Variants in CAMTA1 observed in about 807,000 individuals in gnomAD.
CAMTA1 encodes calmodulin binding transcription activator 1, also known as calmodulin-binding transcription activator 1.
In CAMTA1, 27 loss-of-function variants were observed where a neutral mutation model predicts 170.9. The ratio of observed to expected loss-of-function variants is 0.16; its 90% CI spans 0.12 to 0.22. The LOEUF is 0.22. Among genes scored for constraint, CAMTA1 ranks in the 10% least tolerant of loss-of-function variants. CAMTA1 has a pLI of 1.00. For synonymous variants in CAMTA1, 833 were observed against 891.5 expected, an observed-to-expected ratio of 0.93 and a Z score of 1.17; for missense variants, 1,619 against 2,217.2, an observed-to-expected ratio of 0.73 and a Z score of 5.42.
chr1:7,415,270 T>C (rs988092123), intron 5 of CAMTA1, among the ~76,000 whole-genome samples: 1 of 151,674 alleles, frequency 6.6e-6, no homozygotes, highest in East Asian at 1.9e-4. Flanking sequence ...AGACATCTAT[T>C]AGGTCTGCTT....
In CAMTA1 at chr1:7,194,607, A is replaced by G. The variant is rs118070792; in HGVS notation, c.303-54884A>G. Among the ~76,000 whole-genome samples the G allele has an allele frequency of 4.7e-3, 720 of 152,322 alleles. 17 individuals carry two copies. In the East Asian group the frequency reaches 0.056, roughly 12 times the overall value. On this transcript the variant is annotated intron_variant, in intron 4 of 22. Coordinates refer to ENST00000303635, the MANE Select transcript of CAMTA1 (RefSeq NM_015215.4). ...CATTTGTTATTGTGGTGAGCGTTAC[A>G]TCCTGCTGTTTTACAGCGATACTTG...
chr1:6,806,583 T>G (rs1433135543), intron 1 of CAMTA1, among the ~76,000 whole-genome samples: 1 of 152,226 alleles, frequency 6.6e-6, no homozygotes, highest in Non-Finnish European at 1.5e-5. Flanking sequence ...GGTGAAACAC[T>G]GTAATTCACT....
intron 5 of CAMTA1, among the ~76,000 whole-genome samples, chr1:7,332,789 T>C (rs570740244): frequency 1.3e-5 from 2 of 152,300 alleles, no homozygotes; most frequent in South Asian, 2.1e-4. Context: ...ATAAAGAATA[T>C]ACTTACAGTT....
In CAMTA1 at chr1:7,738,574, C is replaced by T. The variant is rs1438307454; in HGVS notation, c.4182+92C>T. 2 of 1,412,224 alleles carry T rather than the reference C, an allele frequency of 1.4e-6. No homozygotes were observed. The highest frequency in any genetic ancestry group is 4.8e-5 in the East Asian group (2 of 41,796). The allele number at this position is 1,412,224 out of a possible 1,614,324, so 87.5% of individuals were successfully genotyped here. A position where few individuals can be genotyped will look rare whatever the true frequency, so the allele number is the denominator to read the frequency against. Reference sequence around the variant, plus strand: ...CCATTTCCGAAGGTTGTGTCATTTTCCTCCCCGTGAAGCCTTCGAAGTTGG... The same window carrying T: ...CCATTTCCGAAGGTTGTGTCATTTTTCTCCCCGTGAAGCCTTCGAAGTTGG... On this transcript the variant is annotated intron_variant, in intron 16 of 22. Transcript: ENST00000303635. The surrounding 1 kb of genome is among the most constrained non-coding windows in gnomAD (Gnocchi z 4.9).
chr1:7,420,905 C>G (rs1235051863), intron 5 of CAMTA1, among the ~76,000 whole-genome samples: 1 of 152,198 alleles, frequency 6.6e-6, no homozygotes, highest in Non-Finnish European at 1.5e-5. Context: ...CTGAAGCACC[C>G]TGAGGCACAA....
intron 5 of CAMTA1, among the ~76,000 whole-genome samples, chr1:7,307,847 G>T (rs1024365180): frequency 1.3e-5 from 2 of 152,042 alleles, no homozygotes; most frequent in Non-Finnish European, 2.9e-5. Context: ...TTGGTATCAA[G>T]ATGTTACTGA....
At chr1:7,422,085 C>T (rs1477491861) in intron 5 of CAMTA1, among the ~76,000 whole-genome samples, 2 of 152,138 alleles carry the variant, frequency 1.3e-5, no homozygotes, top group African/African-American at 2.4e-5. Context: ...ACCATGAGAA[C>T]ATAAAGCAGG....
intron 5 of CAMTA1, among the ~76,000 whole-genome samples, chr1:7,464,895 CCAGG>C (rs1214286459): frequency 2.0e-5 from 3 of 152,108 alleles, no homozygotes; most frequent in African/African-American, 4.8e-5. Flanking sequence ...ATCTCCCACC[CCAGG>C]CAGGCTCCAC....
At chr1:6,890,306 T>C (rs1298413967) in intron 3 of CAMTA1, among the ~76,000 whole-genome samples, 2 of 152,220 alleles carry the variant, frequency 1.3e-5, no homozygotes, top group Admixed American at 1.3e-4. Flanking sequence ...GGACTTGATA[T>C]AAGAAGGGAT....
Position 7,113,731 on chromosome 1 carries a change from C to T in CAMTA1, c.302+22360C>T, listed in dbSNP as rs935732780. On this transcript the variant is annotated intron_variant, in intron 4 of 22. Coordinates refer to ENST00000303635, the MANE Select transcript of CAMTA1 (RefSeq NM_015215.4). The surrounding 1 kb of genome is among the most constrained non-coding windows in gnomAD (Gnocchi z 4.5). ...CATAATTAACCTTTAATGATATTCT[C>T]TCACTTTAGCAATATATTTTGTGCT... Among the ~76,000 whole-genome samples, 7 of 152,192 alleles carry T rather than the reference C, an allele frequency of 4.6e-5. No homozygotes were observed. Among genetic ancestry groups the T allele is most frequent in the African/African-American group, 1.7e-4 (7 of 41,444 alleles).
chr1:7,747,972 G>C (rs558911739), intron 19 of CAMTA1, among the ~76,000 whole-genome samples, 191 bp downstream of exon 19: 1 of 151,604 alleles, frequency 6.6e-6, no homozygotes, highest in Non-Finnish European at 1.5e-5. Flanking sequence ...GAGTGCAGTG[G>C]CATGATCTGG....
At chr1:7,591,550 G>T (rs1446627986) in intron 6 of CAMTA1, among the ~76,000 whole-genome samples, 1 of 152,240 alleles carries the variant, frequency 6.6e-6, no homozygotes, top group African/African-American at 2.4e-5. Flanking sequence ...GTTCTTCATT[G>T]TTTAAGCAAA....
At chr1:7,537,909 C>T (rs2094567240) in intron 6 of CAMTA1, among the ~76,000 whole-genome samples, 1 of 152,206 alleles carries the variant, frequency 6.6e-6, no homozygotes. Flanking sequence ...AAACCTGTTC[C>T]TCTCAAAGGG....
chr1:6,852,731 T>C (rs1660868339), intron 3 of CAMTA1, among the ~76,000 whole-genome samples: 1 of 152,208 alleles, frequency 6.6e-6, no homozygotes, highest in South Asian at 2.1e-4. Flanking sequence ...CTGTCTGGAC[T>C]CTGTTGTTTG....
intron 5 of CAMTA1, among the ~76,000 whole-genome samples, chr1:7,326,760 T>A (rs2082706405): frequency 6.6e-6 from 1 of 152,216 alleles, no homozygotes; most frequent in Non-Finnish European, 1.5e-5. Flanking sequence ...AGAATATGTT[T>A]CTGTTGCTGT....
At chr1:6,961,738 C>T (rs975239577) in intron 3 of CAMTA1, among the ~76,000 whole-genome samples, 1 of 152,208 alleles carries the variant, frequency 6.6e-6, no homozygotes, top group Non-Finnish European at 1.5e-5. Context: ...CTCCAAAGGA[C>T]ATGAATACCG....
intron 3 of CAMTA1, among the ~76,000 whole-genome samples, chr1:6,903,964 T>G (rs1281966061): frequency 6.6e-6 from 1 of 152,240 alleles, no homozygotes; most frequent in African/African-American, 2.4e-5. Context: ...CTGTTGACGA[T>G]TCCCAAATTA....
chr1:6,928,388 C>T (rs1683743209), intron 3 of CAMTA1, among the ~76,000 whole-genome samples: 1 of 152,128 alleles, frequency 6.6e-6, no homozygotes. Flanking sequence ...GAGAGAGAAT[C>T]GGGTGTTCAG....
At chr1:7,438,096 G>A (rs935153253) in intron 5 of CAMTA1, among the ~76,000 whole-genome samples, 2 of 152,182 alleles carry the variant, frequency 1.3e-5, no homozygotes, top group African/African-American at 2.4e-5. Flanking sequence ...AGGAGTAGGG[G>A]TGTAGAGGCG....
Sources: gnomAD v4.1 joint callset for allele counts (sites outside exome capture counted in the v4.1 genomes callset) on GRCh38, gnomAD v4.1.1 for gene constraint, Gnocchi (gnomAD v3.1) non-coding constraint, MANE v1.5 for transcripts, NCBI Gene and HGNC (gene_info 2026-07-23, HGNC 2026-07-21) for gene names.